The following AAK1 variants were observed in gnomAD, a reference collection of about 807,000 sequenced individuals.
The protein encoded by AAK1 is AP2-associated protein kinase 1.
In AAK1, 37 loss-of-function variants were observed where a neutral mutation model predicts 116.0. The ratio of observed to expected loss-of-function variants is 0.32; its 90% CI spans 0.25 to 0.42. The LOEUF (loss-of-function observed/expected upper bound fraction) is 0.42. Ranked by LOEUF, AAK1 falls within the 10% of genes least tolerant of loss-of-function variation. The pLI is 1.00. For synonymous variants in AAK1, 458 were observed against 439.9 expected (o/e 1.04, Z -0.51); for missense variants, 919 against 1,170.6 (o/e 0.79, Z 3.14).
chr2:69,482,194 A>T lies in AAK1; in HGVS notation c.2467+517T>A, dbSNP rs184065134. 1.9e-3 allele frequency: 342 copies of T among 175,832 alleles called. 2 individuals carry two copies. The highest frequency in any genetic ancestry group is 7.7e-3 in the African/African-American group (321 of 41,802). 10.9% of individuals were successfully genotyped at this position (175,832 alleles called of 1,614,324 possible). A position where few individuals can be genotyped will look rare whatever the true frequency, so the allele number is the denominator to read the frequency against. ...TGGAGAAACCCTATCTCTACTAAAA[A>T]TATAAAAATTAGCCAGGCATGGTGG... is the stretch of plus-strand genomic sequence containing the variant. On this transcript the variant is annotated intron_variant, in intron 18 of 21. Transcript: ENST00000409085.
rs1674156323 is a variant in AAK1 at position 69,612,996 on chromosome 2, T to C, written c.163+29882A>G. Among the ~76,000 whole-genome samples the C allele has an allele frequency of 2.0e-5, 3 of 152,184 alleles. No individual in the cohort carries two copies. In the South Asian group the frequency reaches 6.2e-4, roughly 32 times the overall value. On this transcript the variant is annotated intron_variant, in intron 2 of 21. Coordinates refer to ENST00000409085, the MANE Select transcript of AAK1 (RefSeq NM_014911.5). ...TTTAGCCATGTGAAATGGCCTAAGC[T>C]CTAGATCTGGAGACCAGGAAAATTC...
In AAK1 at chr2:69,498,366, T is replaced by A. The variant is rs780399974; in HGVS notation, c.2270-2286A>T. Among the ~76,000 whole-genome samples the A allele has an allele frequency of 5.9e-5, 9 of 152,144 alleles. 1 individual carries two copies. The highest frequency in any genetic ancestry group is 9.7e-5 in the African/African-American group (4 of 41,398). On this transcript the variant is annotated intron_variant, in intron 16 of 21. Transcript: ENST00000409085. ...GTCTTGGACTTTACCTGTCTCTGAA[T>A]CTTGGTCTCTCTCCAGTTCTGCCTC...
At position 69,468,595 on chromosome 2, in the gene AAK1, C is replaced by T; in HGVS notation, c.*7274G>A. 1.0e-6 allele frequency: 1 copy of T among 985,374 alleles called. No individual in the cohort carries two copies. The highest frequency in any genetic ancestry group is 1.2e-6 in the Non-Finnish European group (1 of 829,908). The allele number at this position is 985,374 out of a possible 1,614,324, so 61.0% of individuals were successfully genotyped here. On this transcript the variant is annotated 3_prime_UTR_variant, in exon 22 of 22. Coordinates refer to ENST00000409085, the MANE Select transcript of AAK1 (RefSeq NM_014911.5). ...GCCAGTGACCAACTCTGGCATCATA[C>T]AGGTCAATAATCCAATGAACACTAG...
chr2:69,622,343 G>A (rs1199943400), intron 2 of AAK1, among the ~76,000 whole-genome samples: 4 of 149,892 alleles, frequency 2.7e-5, no homozygotes, highest in East Asian at 2.0e-4. Flanking sequence ...GGGCTCCTGC[G>A]CAGCCGGAGC....
intron 2 of AAK1, among the ~76,000 whole-genome samples, chr2:69,579,039 C>T (rs143261086): frequency 6.6e-6 from 1 of 152,196 alleles, no homozygotes; most frequent in Non-Finnish European, 1.5e-5. Flanking sequence ...CTCCTGACCT[C>T]GTCTTTACCT....
chr2:69,542,936 T>C (rs1670780167), intron 4 of AAK1, among the ~76,000 whole-genome samples: 1 of 152,224 alleles, frequency 6.6e-6, no homozygotes, highest in Non-Finnish European at 1.5e-5. Context: ...GTCTTCGAGG[T>C]TAGTAGAACT....
At chr2:69,573,452 T>C (rs1027508979) in intron 2 of AAK1, among the ~76,000 whole-genome samples, 2 of 152,150 alleles carry the variant, frequency 1.3e-5, no homozygotes, top group African/African-American at 2.4e-5. Flanking sequence ...AAGTATCTAA[T>C]GCTAGTGGTA....
intron 2 of AAK1, among the ~76,000 whole-genome samples, chr2:69,577,833 T>C (rs1672376094): frequency 6.6e-6 from 1 of 152,198 alleles, no homozygotes; most frequent in Non-Finnish European, 1.5e-5. Context: ...CCATGGGGGC[T>C]AGCGCTGTAG....
At chr2:69,510,234 GT>G (rs1676342147) in intron 13 of AAK1, among the ~76,000 whole-genome samples, 1 of 152,150 alleles carries the variant, frequency 6.6e-6, no homozygotes, top group South Asian at 2.1e-4. Context: ...AGCGTCTGTT[GT>G]TTCCCTCTTT....
chr2:69,561,395 C>T (rs768762752), intron 2 of AAK1, among the ~76,000 whole-genome samples: 5 of 152,144 alleles, frequency 3.3e-5, no homozygotes, highest in Non-Finnish European at 7.3e-5. Context: ...CATGTGTATA[C>T]GACTTATTTT....
intron 8 of AAK1, 27 bp from the exon 9 acceptor site, chr2:69,527,346 A>G: frequency 7.0e-7 from 1 of 1,419,684 alleles, no homozygotes; most frequent in Non-Finnish European, 9.8e-7. Flanking sequence ...AATTTATTTA[A>G]TAATATTCCA....
chr2:69,513,982 T>C (rs1676487830), intron 13 of AAK1, among the ~76,000 whole-genome samples: 1 of 152,162 alleles, frequency 6.6e-6, no homozygotes, highest in South Asian at 2.1e-4. Flanking sequence ...CCAGGGTGAA[T>C]GGTCTCAGGT....
In AAK1 at chr2:69,470,641, A is replaced by C; in HGVS notation, c.*5228T>G. On this transcript the variant is annotated 3_prime_UTR_variant, in exon 22 of 22. Coordinates refer to ENST00000409085, the MANE Select transcript of AAK1 (RefSeq NM_014911.5). ...TATTAGGGATTAAGTTAGAGGAGGGAAGCTGCAAACCTGCGCTCCATTTTA... is the reference window on the plus strand; with the variant it reads ...TATTAGGGATTAAGTTAGAGGAGGGCAGCTGCAAACCTGCGCTCCATTTTA... 1 of 985,394 alleles carries C rather than the reference A, an allele frequency of 1.0e-6. No individual in the cohort carries two copies. Among genetic ancestry groups the C allele is most frequent in the African/African-American group, 1.7e-5 (1 of 57,338 alleles). 61.0% of individuals were successfully genotyped at this position (985,394 alleles called of 1,614,324 possible).
Position 69,471,601 on chromosome 2 carries a change from CAA to C in AAK1, c.*4266_*4267del, listed in dbSNP as rs1674683585. 2 of 985,350 alleles carry C rather than the reference CAA, an allele frequency of 2.0e-6. No individual in the cohort carries two copies. Among genetic ancestry groups the C allele is most frequent in the Middle Eastern group, 5.2e-4 (1 of 1,914 alleles). 61.0% of individuals were successfully genotyped at this position (985,350 alleles called of 1,614,324 possible). ...ATCCTGTCATTTTCATCCCAAAGCTCAAAGTTAGTGGCTATGGGAGCCTGATA... is the reference window on the plus strand; with the variant it reads ...ATCCTGTCATTTTCATCCCAAAGCTCAGTTAGTGGCTATGGGAGCCTGATA... On this transcript the variant is annotated 3_prime_UTR_variant, in exon 22 of 22. Coordinates refer to ENST00000409085, the MANE Select transcript of AAK1 (RefSeq NM_014911.5).
At chr2:69,545,640 T>C (rs761383715) in intron 3 of AAK1, among the ~76,000 whole-genome samples, 2 of 152,196 alleles carry the variant, frequency 1.3e-5, no homozygotes, top group African/African-American at 2.4e-5. Flanking sequence ...TGAATACACC[T>C]GAACCCTGGG....
At position 69,471,907 on chromosome 2, in the gene AAK1, A is replaced by G; in HGVS notation, c.*3962T>C. Reference sequence around the variant, plus strand: ...AAACAACCAAAAGTATTAATAATAAAACAAATATTACATCTTGAGAAAGTA... The same window carrying G: ...AAACAACCAAAAGTATTAATAATAAGACAAATATTACATCTTGAGAAAGTA... On this transcript the variant is annotated 3_prime_UTR_variant, in exon 22 of 22. Coordinates refer to ENST00000409085, the MANE Select transcript of AAK1 (RefSeq NM_014911.5). 1.0e-6 allele frequency: 1 copy of G among 985,300 alleles called. No homozygotes were observed. The highest frequency in any genetic ancestry group is 1.2e-6 in the Non-Finnish European group (1 of 829,802). The allele number at this position is 985,300 out of a possible 1,614,324, so 61.0% of individuals were successfully genotyped here.
intron 2 of AAK1, among the ~76,000 whole-genome samples, chr2:69,581,973 T>G (rs1672566162): frequency 6.6e-6 from 1 of 151,814 alleles, no homozygotes; most frequent in Non-Finnish European, 1.5e-5. Flanking sequence ...CAGAGTGCCC[T>G]GTCTTTAAAA....
At chr2:69,487,323 T>C (rs188190792) in intron 17 of AAK1, among the ~76,000 whole-genome samples, 9 of 152,294 alleles carry the variant, frequency 5.9e-5, no homozygotes, top group Non-Finnish European at 1.0e-4. Context: ...CTTTGTTTTA[T>C]AAATTCTGTC....
intron 2 of AAK1, among the ~76,000 whole-genome samples, chr2:69,586,607 C>T (rs902527202): frequency 6.6e-6 from 1 of 152,120 alleles, no homozygotes; most frequent in South Asian, 2.1e-4. Context: ...ATAACAAAGT[C>T]AATGCTCGGT....
Sources: allele counts gnomAD v4.1 joint callset (sites outside exome capture counted in the v4.1 genomes callset), GRCh38; gene constraint gnomAD v4.1.1; transcripts MANE v1.5; gene names NCBI Gene and HGNC (gene_info 2026-07-23, HGNC 2026-07-21).